The following RGS6 variants were observed in gnomAD, a reference collection of about 807,000 sequenced individuals.
RGS6 encodes the protein regulator of G-protein signaling 6.
A neutral mutation model predicts 78.5 loss-of-function variants in RGS6; 30 were observed. The ratio of observed to expected loss-of-function variants is 0.38; its 90% CI spans 0.29 to 0.52. The LOEUF is 0.52. Among genes scored for constraint, RGS6 ranks in the 20% least tolerant of loss-of-function variants. The pLI is 0.85. For synonymous variants in RGS6, 206 were observed against 206.0 expected, an observed-to-expected ratio of 1.00 and a Z score of 0.00; for missense variants, 495 against 609.7, an observed-to-expected ratio of 0.81 and a Z score of 1.98.
At chr14:72,433,295 C>T (rs970314122) in intron 3 of RGS6, among the ~76,000 whole-genome samples, 1 of 151,354 alleles carries the variant, frequency 6.6e-6, no homozygotes. Context: ...AAGAATGTTC[C>T]AGACACAAGG....
At chr14:71,999,846 T>C (rs1177156751) in intron 2 of RGS6, among the ~76,000 whole-genome samples, 1 of 133,296 alleles carries the variant, frequency 7.5e-6, no homozygotes, top group Non-Finnish European at 1.6e-5. Context: ...CAGCCTGCAG[T>C]GCATGAGCCA....
At chr14:72,301,563 C>G (rs940524275) in intron 2 of RGS6, among the ~76,000 whole-genome samples, 2 of 152,098 alleles carry the variant, frequency 1.3e-5, no homozygotes, top group African/African-American at 4.8e-5. Flanking sequence ...TATCAGTTTG[C>G]TAGGGCTGTC....
At chr14:72,205,774 T>C (rs956796458) in intron 2 of RGS6, among the ~76,000 whole-genome samples, 2 of 152,238 alleles carry the variant, frequency 1.3e-5, no homozygotes, top group South Asian at 2.1e-4. Context: ...AAATTATTAC[T>C]GATCAGTGTT....
chr14:72,340,899 C>T (rs992361742), intron 2 of RGS6, among the ~76,000 whole-genome samples: 7 of 152,052 alleles, frequency 4.6e-5, no homozygotes, highest in African/African-American at 1.7e-4. Context: ...AGTTATGTTC[C>T]AGAGGGAAAG....
intron 2 of RGS6, among the ~76,000 whole-genome samples, chr14:72,302,204 T>A (rs1015572359): frequency 1.3e-4 from 20 of 152,330 alleles, no homozygotes; most frequent in African/African-American, 4.6e-4. Flanking sequence ...CTGCCATTTA[T>A]TGAGTGGTAA....
intron 2 of RGS6, among the ~76,000 whole-genome samples, chr14:72,183,568 A>G (rs764281254): frequency 7.2e-5 from 11 of 152,246 alleles, no homozygotes; most frequent in African/African-American, 2.2e-4. Flanking sequence ...CACAGTTCCA[A>G]TTGGTACATA....
At chr14:72,071,644 A>T (rs796309723) in intron 2 of RGS6, among the ~76,000 whole-genome samples, 11 of 152,332 alleles carry the variant, frequency 7.2e-5, no homozygotes, top group African/African-American at 2.4e-4. Context: ...CTTGTTTTTT[A>T]AAATTAACAT....
the RGS6 span, among the ~76,000 whole-genome samples, chr14:72,585,806 G>C: frequency 4.6e-5 from 7 of 152,188 alleles, no homozygotes; most frequent in Non-Finnish European, 8.8e-5. Flanking sequence ...TGAGTGCTGA[G>C]GGGCTACCTT....
At position 72,159,661 on chromosome 14, in the gene RGS6, G is replaced by A. The variant is rs868358452; in HGVS notation, c.85-192434G>A. ...AGTGATCTCCATGTGTGGGTTTTAT[G>A]ATGTGTTTCCAGTGCTCCACATATG... On this transcript the variant is annotated intron_variant, in intron 2 of 17. Coordinates refer to ENST00000553525, the MANE Select transcript of RGS6 (RefSeq NM_001204424.2). Among the ~76,000 whole-genome samples the A allele has an allele frequency of 2.6e-5, 4 of 152,316 alleles. No homozygotes were observed. In the South Asian group the frequency reaches 6.2e-4, roughly 24 times the overall value.
At chr14:71,903,954 C>G in the RGS6 span, among the ~76,000 whole-genome samples, 1 of 152,074 alleles carries the variant, frequency 6.6e-6, no homozygotes, top group Non-Finnish European at 1.5e-5. Context: ...GGGTTATAAT[C>G]CACTGGGGAA....
intron 2 of RGS6, among the ~76,000 whole-genome samples, chr14:72,135,564 G>A (rs928937920): frequency 1.4e-4 from 21 of 151,988 alleles, no homozygotes; most frequent in Admixed American, 2.6e-4. Flanking sequence ...GTTACAGCAC[G>A]AGAGAGAGGT....
upstream of RGS6, among the ~76,000 whole-genome samples, chr14:71,931,234 T>A (rs2087833889): frequency 6.6e-6 from 1 of 152,146 alleles, no homozygotes; most frequent in African/African-American, 2.4e-5. Flanking sequence ...ATGGTTTCTC[T>A]TGGTTGCAGG....
chr14:72,537,541 G>A, intron 16 of RGS6: 2 of 702,380 alleles, frequency 2.8e-6, no homozygotes. Context: ...GATGGGCAGT[G>A]TGGAGCCTGG....
chr14:72,041,009 G>C (rs1268524811), intron 2 of RGS6, among the ~76,000 whole-genome samples: 1 of 152,114 alleles, frequency 6.6e-6, no homozygotes, highest in Admixed American at 6.5e-5. Flanking sequence ...TGTACACCCA[G>C]TTAACTCTTT....
intron 14 of RGS6, chr14:72,514,008 G>C (rs1047239781): frequency 6.6e-6 from 1 of 152,264 alleles, no homozygotes; most frequent in African/African-American, 2.4e-5. Context: ...ACCTCAGAAG[G>C]TTCACTAGGC....
chr14:72,306,516 C>G (rs1649549665), intron 2 of RGS6, among the ~76,000 whole-genome samples: 1 of 152,158 alleles, frequency 6.6e-6, no homozygotes, highest in Non-Finnish European at 1.5e-5. Flanking sequence ...ATTAACAGTT[C>G]CAGATGCCAT....
In RGS6 at chr14:72,563,503, A is replaced by C. The variant is rs1334237363; in HGVS notation, c.*1036A>C. ...TGGGTCAGGTCTCCTTTGTGTGTGA[A>C]GCTGGGGCAGAGTATGCTACGAAGG... On this transcript the variant is annotated 3_prime_UTR_variant, in exon 18 of 18. Transcript: ENST00000553525. The C allele has an allele frequency of 2.0e-5, 3 of 152,530 alleles. No individual in the cohort carries two copies. Among genetic ancestry groups the C allele is most frequent in the Admixed American group, 6.5e-5 (1 of 15,306 alleles). 9.4% of individuals were successfully genotyped at this position (152,530 alleles called of 1,614,324 possible). A position where few individuals can be genotyped will look rare whatever the true frequency, so the allele number is the denominator to read the frequency against.
downstream of RGS6, among the ~76,000 whole-genome samples, chr14:72,566,738 C>G (rs957146249): frequency 4.6e-5 from 7 of 151,674 alleles, no homozygotes; most frequent in African/African-American, 1.7e-4. Context: ...AACCAGATCT[C>G]TGGGGCATTG....
Position 72,498,919 on chromosome 14 carries a change from G to C in RGS6, c.965+3657G>C, listed in dbSNP as rs2096681189. ...TGGATGGGCATAGATCAATTGCCAA[G>C]GTTCCCCTCTGGGTCCCGGGTATGT... On this transcript the variant is annotated intron_variant, in intron 13 of 17. Coordinates refer to ENST00000553525, the MANE Select transcript of RGS6 (RefSeq NM_001204424.2). Among the ~76,000 whole-genome samples, 3 of 152,164 alleles carry C rather than the reference G, an allele frequency of 2.0e-5. No homozygotes were observed. In the South Asian group the frequency reaches 6.2e-4, roughly 31 times the overall value.
Sources: gnomAD v4.1 joint callset for allele counts (sites outside exome capture counted in the v4.1 genomes callset) on GRCh38, gnomAD v4.1.1 for gene constraint, MANE v1.5 for transcripts, NCBI Gene and HGNC (gene_info 2026-07-23, HGNC 2026-07-21) for gene names.